ALPL: variants seen among roughly 807,000 people sequenced by gnomAD.
The protein encoded by ALPL is alkaline phosphatase, tissue-nonspecific isozyme.
A neutral mutation model predicts 51.3 loss-of-function variants in ALPL; 42 were observed. The observed-to-expected ratio is 0.82, with a 90% CI of 0.64 to 1.06. ALPL has a LOEUF of 1.06. Ranked by LOEUF, ALPL falls within the 50% of genes least tolerant of loss-of-function variation. The pLI, the probability that ALPL is intolerant of heterozygous loss-of-function variation, is 0.00. For synonymous variants in ALPL, 279 were observed against 296.4 expected (o/e 0.94, Z 0.60); for missense variants, 589 against 709.4 (o/e 0.83, Z 1.93).
intron 8 of ALPL, among the ~76,000 whole-genome samples, chr1:21,572,840 TG>T (rs36116060): frequency 0.019 from 2,929 of 152,266 alleles, 81 homozygotes; most frequent in African/African-American, 0.068. Flanking sequence ...GGAGGGACAA[TG>T]ATTCCAAACC....
intron 1 of ALPL, among the ~76,000 whole-genome samples, chr1:21,539,192 C>G (rs1351490267): frequency 1.3e-5 from 2 of 152,034 alleles, no homozygotes; most frequent in Non-Finnish European, 2.9e-5. Flanking sequence ...AATTCTGGCT[C>G]GCTCACTTAC....
chr1:21,521,448 G>C (rs1380185939), intron 1 of ALPL, among the ~76,000 whole-genome samples: 1 of 152,228 alleles, frequency 6.6e-6, no homozygotes, highest in African/African-American at 2.4e-5. Context: ...GCCTCCCAAA[G>C]TGCTGGGATT....
Position 21,568,670 on chromosome 1 carries a change from C to T in ALPL, c.792+423C>T, listed in dbSNP as rs568076703. Among the ~76,000 whole-genome samples, 8 of 152,164 alleles carry T rather than the reference C, an allele frequency of 5.3e-5. No individual in the cohort carries two copies. In the South Asian group the frequency reaches 1.5e-3, roughly 28 times the overall value. ...GATGACAGGGAGGAGCCAAGAAGCT[C>T]TGGGCAAGTAGGAGGATGGAGGGAG... is the stretch of plus-strand genomic sequence containing the variant. On this transcript the variant is annotated intron_variant, in intron 7 of 11. Coordinates refer to ENST00000374840, the MANE Select transcript of ALPL (RefSeq NM_000478.6).
chr1:21,511,577 T>G (rs1643688100), intron 1 of ALPL, among the ~76,000 whole-genome samples: 1 of 152,232 alleles, frequency 6.6e-6, no homozygotes, highest in African/African-American at 2.4e-5. Flanking sequence ...GCCCAGGCCC[T>G]TCCCATCCTG....
intron 1 of ALPL, among the ~76,000 whole-genome samples, chr1:21,550,184 C>T (rs1644303013): frequency 1.3e-5 from 2 of 152,082 alleles, no homozygotes; most frequent in Admixed American, 1.3e-4. Flanking sequence ...CTGACGGTGG[C>T]GGTGGTGGTT....
At chr1:21,563,681 G>C (rs1410183853) in intron 5 of ALPL, among the ~76,000 whole-genome samples, 1 of 152,172 alleles carries the variant, frequency 6.6e-6, no homozygotes, top group South Asian at 2.1e-4. Flanking sequence ...CTTTAGTCAG[G>C]GGCCAAGGCC....
intron 7 of ALPL, among the ~76,000 whole-genome samples, chr1:21,569,354 GC>G (rs1644613229): frequency 6.6e-6 from 1 of 152,174 alleles, no homozygotes; most frequent in African/African-American, 2.4e-5. Context: ...CTACACCATG[GC>G]CCCGAGCCTG....
intron 5 of ALPL, 124 bp from the exon 6 acceptor site, chr1:21,563,917 A>T: frequency 8.0e-7 from 1 of 1,256,310 alleles, no homozygotes; most frequent in Non-Finnish European, 1.1e-6. Context: ...GGAGACTGAG[A>T]CCCGGGCAAT....
chr1:21,577,657 G>A lies in ALPL; in HGVS notation c.*9G>A, dbSNP rs1454432555. ...TGAGCGTCCTGTTCTGAGGGCCCAG[G>A]GCCCGGGCACCCACAAGCCCGTGAC... is the stretch of plus-strand genomic sequence containing the variant. On this transcript the variant is annotated 3_prime_UTR_variant, in exon 12 of 12. Coordinates refer to ENST00000374840, the MANE Select transcript of ALPL (RefSeq NM_000478.6). The A allele has an allele frequency of 6.3e-7, 1 of 1,594,674 alleles. No individual in the cohort carries two copies. The highest frequency in any genetic ancestry group is 1.7e-4 in the Middle Eastern group (1 of 6,002).
In ALPL at chr1:21,573,692, A is replaced by T; in HGVS notation, c.890A>T (p.Tyr297Phe). 1 of 1,613,984 alleles carries T rather than the reference A, an allele frequency of 6.2e-7. No individual in the cohort carries two copies. Among genetic ancestry groups the T allele is most frequent in the Non-Finnish European group, 8.5e-7 (1 of 1,179,954 alleles). Residue 297 changes from tyrosine to phenylalanine, a missense_variant, in exon 9 of 12, where the codon TAC becomes TTC. Tyr to Phe is a conservative substitution (Grantham distance 22). Transcript: ENST00000374840. ...CTCTTCGAGCCAGGGGACATGCAGTACGAGCTGAACAGGAACAACGTGACG... is the reference window on the plus strand; with the variant it reads ...CTCTTCGAGCCAGGGGACATGCAGTTCGAGCTGAACAGGAACAACGTGACG... ...LGLFEPGDMQ[Y>F]ELNRNNVTDP... is the part of the protein sequence containing the mutation.
chr1:21,539,819 TA>T (rs1644158296), intron 1 of ALPL, among the ~76,000 whole-genome samples: 1 of 152,116 alleles, frequency 6.6e-6, no homozygotes, highest in Non-Finnish European at 1.5e-5. Context: ...CCAGCCCAGC[TA>T]ATTTTTTGTA....
chr1:21,510,674 C>A (rs1483675020), intron 1 of ALPL, among the ~76,000 whole-genome samples: 2 of 152,208 alleles, frequency 1.3e-5, no homozygotes, highest in Non-Finnish European at 2.9e-5. Context: ...CCTGCTCCCA[C>A]TGTGTTGCCT....
chr1:21,522,832 C>A (rs990511696), intron 1 of ALPL, among the ~76,000 whole-genome samples: 1 of 152,144 alleles, frequency 6.6e-6, no homozygotes, highest in Middle Eastern at 3.2e-3. Context: ...GAAATGACAG[C>A]GGTCATAAAT....
chr1:21,531,066 G>A (rs1644023580), intron 1 of ALPL, among the ~76,000 whole-genome samples: 1 of 149,980 alleles, frequency 6.7e-6, no homozygotes, highest in South Asian at 2.1e-4. Flanking sequence ...CAATTCTCGT[G>A]CCTCAGCCTC....
chr1:21,528,087 C>T (rs1447911493), intron 1 of ALPL, among the ~76,000 whole-genome samples: 1 of 151,158 alleles, frequency 6.6e-6, no homozygotes, highest in Non-Finnish European at 1.5e-5. Context: ...GTGGCACGAT[C>T]ACTGCTCATA....
At chr1:21,512,446 T>C (rs968013874) in intron 1 of ALPL, among the ~76,000 whole-genome samples, 7 of 152,220 alleles carry the variant, frequency 4.6e-5, no homozygotes, top group African/African-American at 1.7e-4. Context: ...AAGACATTCA[T>C]ATTTCCTGTG....
At chr1:21,539,647 T>C (rs1644155130) in intron 1 of ALPL, among the ~76,000 whole-genome samples, 1 of 144,728 alleles carries the variant, frequency 6.9e-6, no homozygotes, top group Middle Eastern at 3.4e-3. Flanking sequence ...TGTCTTCCTT[T>C]TCTTTTTCCT....
At chr1:21,543,414 C>A (rs1188289098) in intron 1 of ALPL, among the ~76,000 whole-genome samples, 1 of 152,008 alleles carries the variant, frequency 6.6e-6, no homozygotes, top group African/African-American at 2.4e-5. Flanking sequence ...AATATACACA[C>A]GTTTAACTAC....
chr1:21,555,714 A>T (rs961079668), intron 2 of ALPL, among the ~76,000 whole-genome samples: 3 of 150,578 alleles, frequency 2.0e-5, no homozygotes, highest in African/African-American at 7.3e-5. Context: ...CACTGTGCCC[A>T]GCCTTTTTCT....
Sources: gnomAD v4.1 joint callset for allele counts (sites outside exome capture counted in the v4.1 genomes callset) on GRCh38, gnomAD v4.1.1 for gene constraint, MANE v1.5 for transcripts, NCBI Gene and HGNC (gene_info 2026-07-23, HGNC 2026-07-21) for gene names.